The following TM6SF2 variants were observed in gnomAD, a reference collection of about 807,000 sequenced individuals.
TM6SF2 encodes transmembrane 6 superfamily member 2.
In TM6SF2, 29 loss-of-function variants were observed where a neutral mutation model predicts 41.0. That is an observed-to-expected ratio of 0.71 (90% confidence interval 0.53 to 0.96). The LOEUF (loss-of-function observed/expected upper bound fraction) is 0.96, where lower values mean the gene tolerates loss of function less well. Among genes scored for constraint, TM6SF2 ranks in the 50% least tolerant of loss-of-function variants. TM6SF2 has a pLI of 0.00. For missense variants in TM6SF2, 475 were observed against 499.0 expected (o/e 0.95, Z 0.46); for synonymous variants, 200 against 209.1 (o/e 0.96, Z 0.37).
intron 1 of TM6SF2, 60 bp downstream of exon 1, chr19:19,273,061 T>TTTGCCCCCCCCCCCCCCCC: frequency 3.3e-6 from 1 of 305,470 alleles, no homozygotes; most frequent in Non-Finnish European, 6.1e-6. Flanking sequence ...CCTCCAGTCC[T>TTTGCCCCCCCCCCCCCCCC]CCCCGCCCCC....
At chr19:19,270,143 C>T in intron 4 of TM6SF2, 30 bp downstream of exon 4, 1 of 1,613,066 alleles carries the variant, frequency 6.2e-7, no homozygotes, top group Non-Finnish European at 8.5e-7. Flanking sequence ...CTCCCAGGGT[C>T]AGGGGCCACC....
At chr19:19,269,876 A>G (rs72999068) in intron 4 of TM6SF2, 107 bp from the exon 5 acceptor site, 248,949 of 1,583,070 alleles carry the variant, frequency 0.16, 21,259 homozygotes, top group African/African-American at 0.29. Context: ...GGTCCCTTTC[A>G]GTTTTGCCCA....
chr19:19,265,318 G>T (rs1373497235), intron 9 of TM6SF2, among the ~76,000 whole-genome samples: 1 of 151,898 alleles, frequency 6.6e-6, no homozygotes, highest in African/African-American at 2.4e-5. Flanking sequence ...AAAGTGCTAG[G>T]ATTACAGGCA....
intron 9 of TM6SF2, 130 bp from the exon 10 acceptor site, chr19:19,265,003 C>A: frequency 9.3e-5 from 38 of 410,438 alleles, no homozygotes; most frequent in Non-Finnish European, 1.3e-4. Context: ...GGGCTTTGCT[C>A]ATCTATCTGT....
chr19:19,271,066 T>C lies in TM6SF2; in HGVS notation c.155A>G (p.Tyr52Cys), dbSNP rs1469515809. 1.2e-6 allele frequency: 2 copies of C among 1,614,120 alleles called. No homozygotes were observed. The highest frequency in any genetic ancestry group is 1.1e-5 in the South Asian group (1 of 91,084). ...GGAGACCTCGCCATGGGACAAGCTG[T>C]AGACCGCCACGAAAAGCAGACCCAG... ...LILGLLFVAV[Y>C]SLSHGEVSYD... Residue 52 changes from tyrosine to cysteine, a missense_variant, in exon 2 of 10, where the codon TAC (tyrosine) becomes TGC (cysteine). By Grantham distance (194) the Tyr-to-Cys change is radical. This residue lies in a region of TM6SF2 where 238 missense variants were observed against 228.6 expected (regional missense o/e 1.04). Transcript: ENST00000389363.
In TM6SF2 at chr19:19,264,863, G is replaced by T; in HGVS notation, c.935C>A (p.Ser312Ter). The T allele has an allele frequency of 6.4e-7, 1 of 1,567,388 alleles. No individual in the cohort carries two copies. Among genetic ancestry groups the T allele is most frequent in the Non-Finnish European group, 8.6e-7 (1 of 1,157,792 alleles). ...FAGGIGQAQF[S>*]HMGASMHLRT... ...CAGGTGCATGGAAGCCCCCATGTGC[G>T]AGAACTGTGCCTGGTAGCCAGACAG... Residue 312 changes from serine to a stop codon, truncating the protein, a stop_gained, in exon 10 of 10, where the codon TCG (serine) becomes TAG (stop). Coordinates refer to ENST00000389363, the MANE Select transcript of TM6SF2 (RefSeq NM_001001524.3). LOFTEE classifies it low-confidence loss of function (END_TRUNC).
At chr19:19,268,507 C>A in intron 6 of TM6SF2, 123 bp downstream of exon 6, 1 of 1,395,468 alleles carries the variant, frequency 7.2e-7, no homozygotes. Flanking sequence ...CGCACCCAGC[C>A]CTCCCTTCTT....
chr19:19,267,150 C>T (rs1297493767), intron 8 of TM6SF2, among the ~76,000 whole-genome samples: 1 of 152,110 alleles, frequency 6.6e-6, no homozygotes, highest in Non-Finnish European at 1.5e-5. Context: ...GGGTGGATCA[C>T]TTGAGGTCAG....
Position 19,266,542 on chromosome 19 carries a change from C to A in TM6SF2, c.872G>T (p.Gly291Val). ...GLAAYALTFP[G>V]CSWLPDWALV... The stretch of plus-strand genomic sequence containing the variant: ...GGCCCAGTCTGGAAGCCAGGAGCAA[C>A]CAGGGAAGGTGAGAGCATAGGCAGC... Residue 291 changes from glycine to valine, a missense_variant, in exon 9 of 10, where the codon GGT becomes GTT. By Grantham distance (109) the Gly-to-Val change is moderately radical. Coordinates refer to ENST00000389363, the MANE Select transcript of TM6SF2 (RefSeq NM_001001524.3). The A allele has an allele frequency of 6.2e-7, 1 of 1,614,088 alleles. No homozygotes were observed. The highest frequency in any genetic ancestry group is 8.5e-7 in the Non-Finnish European group (1 of 1,179,968).
chr19:19,267,940 G>A, intron 7 of TM6SF2, 46 bp downstream of exon 7: 4 of 1,488,850 alleles, frequency 2.7e-6, no homozygotes, highest in Non-Finnish European at 3.7e-6. Context: ...GTCAGGGAAG[G>A]GAGACTGGTG....
chr19:19,271,262 G>A lies in TM6SF2; in HGVS notation c.96-137C>T, dbSNP rs927137782. 7.0e-6 allele frequency: 5 copies of A among 712,116 alleles called. No homozygotes were observed. In the Admixed American group the frequency reaches 1.0e-4, roughly 15 times the overall value. The allele number at this position is 712,116 out of a possible 1,614,324, so 44.1% of individuals were successfully genotyped here. A position where few individuals can be genotyped will look rare whatever the true frequency, so the allele number is the denominator to read the frequency against. On this transcript the variant is annotated intron_variant, in intron 1 of 9. Coordinates refer to ENST00000389363, the MANE Select transcript of TM6SF2 (RefSeq NM_001001524.3). ...AAGTGTCTGTTCATCCATCAATGCTGTTCCCTGAAACTGCTCTCACCCTGT... is the reference window on the plus strand; with the variant it reads ...AAGTGTCTGTTCATCCATCAATGCTATTCCCTGAAACTGCTCTCACCCTGT...
chr19:19,269,709 C>G lies in TM6SF2; in HGVS notation c.462G>C (p.Val154=). The change falls in exon 5 of 10, where the codon GTG becomes GTC. Residue 154 remains valine (V), a synonymous_variant. Coordinates refer to ENST00000389363, the MANE Select transcript of TM6SF2 (RefSeq NM_001001524.3). ...WLGSFAMSIL[V]FLTGNILGKY... The stretch of plus-strand genomic sequence containing the variant: ...TACCAAGAATGTTTCCTGTAAGGAA[C>G]ACCAGGATGCTCATGGCGAAGGAAC... The G allele has an allele frequency of 6.2e-7, 1 of 1,614,172 alleles. No individual in the cohort carries two copies. Among genetic ancestry groups the G allele is most frequent in the South Asian group, 1.1e-5 (1 of 91,082 alleles).
At chr19:19,270,976 C>T (rs1288446045) in intron 2 of TM6SF2, 46 bp downstream of exon 2, 19 of 1,540,168 alleles carry the variant, frequency 1.2e-5, no homozygotes, top group Non-Finnish European at 1.7e-5. Flanking sequence ...AGGGTGGAGG[C>T]CCTTGCCTGG....
At chr19:19,265,296 T>C (rs961548849) in intron 9 of TM6SF2, among the ~76,000 whole-genome samples, 19 of 152,028 alleles carry the variant, frequency 1.2e-4, no homozygotes, top group African/African-American at 4.3e-4. Context: ...AATCCATCCA[T>C]CTTGGCCTCC....
rs1196755832 is a variant in TM6SF2, at chr19:19,273,194, C to T, written c.22G>A (p.Gly8Ser). ...CTCAGCGACAGCGCCGCGATCTTGCCGGCCAGCGGCGGGATGTCCATAGCG... is the reference window on the plus strand; with the variant it reads ...CTCAGCGACAGCGCCGCGATCTTGCTGGCCAGCGGCGGGATGTCCATAGCG... MDIPPLAGKIAALSLSAL... is the reference protein window; with the variant it reads MDIPPLASKIAALSLSAL... The change falls in exon 1 of 10, where the codon GGC (glycine) becomes AGC (serine). Residue 8 changes from glycine to serine, a missense_variant. By Grantham distance (56) the Gly-to-Ser change is moderately conservative. Transcript: ENST00000389363. 4 of 1,449,616 alleles carry T rather than the reference C, an allele frequency of 2.8e-6. No individual in the cohort carries two copies. In the African/African-American group the frequency reaches 4.4e-5, roughly 16 times the overall value. 89.8% of individuals were successfully genotyped at this position (1,449,616 alleles called of 1,614,324 possible).
In TM6SF2 at chr19:19,273,290, C is replaced by G. The variant is rs2061031810; in HGVS notation, c.-75G>C. ...CTCGGCTCCTCGTTGGCGGCGAGTC[C>G]GGGCCGAGGCTGCCAGGGACCCGCC... is the stretch of plus-strand genomic sequence containing the variant. On this transcript the variant is annotated 5_prime_UTR_variant, in exon 1 of 10. Coordinates refer to ENST00000389363, the MANE Select transcript of TM6SF2 (RefSeq NM_001001524.3). 3 of 1,158,456 alleles carry G rather than the reference C, an allele frequency of 2.6e-6. No individual in the cohort carries two copies. Among genetic ancestry groups the G allele is most frequent in the Non-Finnish European group, 3.3e-6 (3 of 895,864 alleles). The allele number at this position is 1,158,456 out of a possible 1,614,324, so 71.8% of individuals were successfully genotyped here.
rs571991424 is a variant in TM6SF2 at position 19,265,941 on chromosome 19, G to A, written c.924+549C>T. ...ATGTTTTCCTGGTCCCTACTTCCCTGGCCGGGGCCCAGGATTTAGCACTTT... is the reference window on the plus strand; with the variant it reads ...ATGTTTTCCTGGTCCCTACTTCCCTAGCCGGGGCCCAGGATTTAGCACTTT... On this transcript the variant is annotated intron_variant, in intron 9 of 9. Transcript: ENST00000389363. 1.4e-4 allele frequency among the ~76,000 whole-genome samples: 22 copies of A among 152,218 alleles called. No individual in the cohort carries two copies. The South Asian group carries it at 4.4e-3, about 30-fold the overall frequency.
At chr19:19,269,596 G>C in intron 5 of TM6SF2, 91 bp downstream of exon 5, 1 of 1,494,732 alleles carries the variant, frequency 6.7e-7, no homozygotes, top group East Asian at 2.3e-5. Flanking sequence ...AGACATCAGG[G>C]AAGGGATGGA....
At chr19:19,268,799 G>A in intron 5 of TM6SF2, 45 bp from the exon 6 acceptor site, 1 of 1,538,992 alleles carries the variant, frequency 6.5e-7, no homozygotes, top group South Asian at 1.3e-5. Context: ...CCAGAACCCT[G>A]CTGGACATCT....
Sources: allele counts gnomAD v4.1 joint callset (sites outside exome capture counted in the v4.1 genomes callset), GRCh38; gene constraint gnomAD v4.1.1; regional missense constraint gnomAD v4.1.1; transcripts MANE v1.5; gene names NCBI Gene and HGNC (gene_info 2026-07-23, HGNC 2026-07-21).